Variants in STAG1 observed in about 807,000 individuals in gnomAD.
STAG1 encodes STAG1 cohesin complex component, also known as cohesin subunit SA-1.
STAG1 carries 26 observed loss-of-function variants against 170.9 expected under a neutral mutation model. That is an observed-to-expected ratio of 0.15 (90% confidence interval 0.11 to 0.21). STAG1 has a LOEUF of 0.21. Ranked by LOEUF, STAG1 falls within the 10% of genes least tolerant of loss-of-function variation. The pLI, the probability that STAG1 is intolerant of heterozygous loss-of-function variation, is 1.00. For synonymous variants in STAG1, 514 were observed against 497.7 expected, an observed-to-expected ratio of 1.03 and a Z score of -0.44; for missense variants, 964 against 1,509.5, an observed-to-expected ratio of 0.64 and a Z score of 5.99.
chr3:136,419,231 TTTTC>T (rs201512053), intron 20 of STAG1, among the ~76,000 whole-genome samples: 29,462 of 151,974 alleles, frequency 0.19, 3,117 homozygotes, highest in Non-Finnish European at 0.24. Flanking sequence ...AAAAGTTTGC[TTTTC>T]TAGGGAATTC....
At chr3:136,581,828 A>C (rs1013599749) in intron 4 of STAG1, among the ~76,000 whole-genome samples, 1 of 152,192 alleles carries the variant, frequency 6.6e-6, no homozygotes, top group Non-Finnish European at 1.5e-5. Flanking sequence ...AAGGAATATC[A>C]ACAGTGGAAA....
chr3:136,465,610 A>T (rs1464700624), intron 12 of STAG1, among the ~76,000 whole-genome samples: 1 of 150,814 alleles, frequency 6.6e-6, no homozygotes, highest in Non-Finnish European at 1.5e-5. Flanking sequence ...GACAAAACTG[A>T]AATTGTTTGC....
intron 1 of STAG1, among the ~76,000 whole-genome samples, chr3:136,741,141 G>A (rs1934649471): frequency 6.6e-6 from 1 of 152,188 alleles, no homozygotes; most frequent in South Asian, 2.1e-4. Flanking sequence ...GCGTATTTAT[G>A]ACCCATTATA....
chr3:136,359,324 A>C, intron 26 of STAG1, 28 bp from the exon 27 acceptor site: 1 of 1,518,038 alleles, frequency 6.6e-7, no homozygotes, highest in Non-Finnish European at 8.9e-7. Flanking sequence ...AGAAGAAAAA[A>C]CCTATAGCTC....
At chr3:136,415,718 C>T (rs900948553) in intron 21 of STAG1, among the ~76,000 whole-genome samples, 3 of 152,090 alleles carry the variant, frequency 2.0e-5, no homozygotes, top group Admixed American at 1.3e-4. Flanking sequence ...GCTACTCAGG[C>T]GGCCGAGGCG....
chr3:136,443,062 C>T (rs956058135), intron 15 of STAG1, among the ~76,000 whole-genome samples: 1 of 151,996 alleles, frequency 6.6e-6, no homozygotes, highest in African/African-American at 2.4e-5. Context: ...TTACATGACA[C>T]GCATGGATTT....
chr3:136,667,195 G>A (rs1041845115), intron 1 of STAG1, among the ~76,000 whole-genome samples: 7 of 151,998 alleles, frequency 4.6e-5, no homozygotes, highest in Non-Finnish European at 1.0e-4. Flanking sequence ...AGGAGAAAAG[G>A]TAAAAGAATG....
intron 6 of STAG1, among the ~76,000 whole-genome samples, chr3:136,529,275 G>C (rs553182156): frequency 6.6e-6 from 1 of 152,272 alleles, no homozygotes; most frequent in South Asian, 2.1e-4. Context: ...AGTCTAGCAA[G>C]AGATACAGAC....
chr3:136,734,643 T>C (rs1169393796), intron 1 of STAG1, among the ~76,000 whole-genome samples: 2 of 152,214 alleles, frequency 1.3e-5, no homozygotes, highest in Non-Finnish European at 2.9e-5. Context: ...GTATTTTTTA[T>C]GCTTCCCACC....
At chr3:136,387,053 A>ACTT (rs10645252) in intron 22 of STAG1, among the ~76,000 whole-genome samples, 63,047 of 151,774 alleles carry the variant, frequency 0.42, 13,959 homozygotes, top group African/African-American at 0.56. Flanking sequence ...ACAAAACTAA[A>ACTT]CTGCTTACCC....
At chr3:136,694,007 C>A (rs1477801393) in intron 1 of STAG1, among the ~76,000 whole-genome samples, 1 of 152,136 alleles carries the variant, frequency 6.6e-6, no homozygotes. Flanking sequence ...AGACCACTGA[C>A]AAAATTAAGA....
At chr3:136,430,806 G>GACAGACACACACACACAC (rs778171419) in intron 16 of STAG1, among the ~76,000 whole-genome samples, 5 of 131,104 alleles carry the variant, frequency 3.8e-5, no homozygotes, top group African/African-American at 1.4e-4. Flanking sequence ...GACATAGACA[G>GACAGACACACACACACAC]ACACACACAC....
chr3:136,673,900 C>A (rs1440110918), intron 1 of STAG1, among the ~76,000 whole-genome samples: 1 of 151,736 alleles, frequency 6.6e-6, no homozygotes, highest in Admixed American at 6.6e-5. Context: ...CTCATGAATT[C>A]AAGGCCAGCC....
At chr3:136,613,875 T>G (rs912120970) in intron 3 of STAG1, among the ~76,000 whole-genome samples, 4 of 152,172 alleles carry the variant, frequency 2.6e-5, no homozygotes, top group Non-Finnish European at 4.4e-5. Flanking sequence ...TCTTTATATG[T>G]GCACTGTCCA....
chr3:136,717,408 A>G (rs1576804365), intron 1 of STAG1, among the ~76,000 whole-genome samples: 1 of 152,324 alleles, frequency 6.6e-6, no homozygotes, highest in Non-Finnish European at 1.5e-5. Flanking sequence ...TCATGCTTGT[A>G]ATCCCAGCAC....
intron 13 of STAG1, among the ~76,000 whole-genome samples, chr3:136,464,384 T>C (rs137950796): frequency 0.01 from 1,531 of 151,694 alleles, 13 homozygotes; most frequent in South Asian, 0.034. Flanking sequence ...GACTGCACCA[T>C]TGTACTGTAG....
intron 4 of STAG1, among the ~76,000 whole-genome samples, chr3:136,599,929 T>TGTC (rs1421879379): frequency 3.3e-5 from 5 of 152,208 alleles, no homozygotes; most frequent in Admixed American, 1.3e-4. Flanking sequence ...CTTATGTTTC[T>TGTC]GTCATTACCT....
At chr3:136,459,454 T>A (rs897829364) in intron 13 of STAG1, among the ~76,000 whole-genome samples, 4 of 152,060 alleles carry the variant, frequency 2.6e-5, no homozygotes, top group African/African-American at 9.7e-5. Context: ...GGGAAGATTA[T>A]CCAGACGGAA....
intron 2 of STAG1, among the ~76,000 whole-genome samples, chr3:136,629,544 ATAAG>A (rs1940244855): frequency 6.6e-6 from 1 of 152,076 alleles, no homozygotes; most frequent in African/African-American, 2.4e-5. Context: ...TAAAAAAGAA[ATAAG>A]TAGGCAGAAA....
Sources: gnomAD v4.1 joint callset for allele counts (sites outside exome capture counted in the v4.1 genomes callset) on GRCh38, gnomAD v4.1.1 for gene constraint, MANE v1.5 for transcripts, NCBI Gene and HGNC (gene_info 2026-07-23, HGNC 2026-07-21) for gene names.